The following TMEFF2 variants were observed in gnomAD, a reference collection of about 807,000 sequenced individuals.
TMEFF2 encodes transmembrane protein with EGF like and two follistatin like domains 2, also known as tomoregulin-2.
TMEFF2 carries 28 observed loss-of-function variants against 53.8 expected under a neutral mutation model. The ratio of observed to expected loss-of-function variants is 0.52; its 90% confidence interval spans 0.39 to 0.71. The LOEUF (loss-of-function observed/expected upper bound fraction) is 0.71, where lower values mean the gene tolerates loss of function less well. TMEFF2 is among the 30% of genes least tolerant of loss of function. The pLI is 0.00. For missense variants in TMEFF2, 353 were observed against 455.2 expected, an observed-to-expected ratio of 0.78 and a Z score of 2.04; for synonymous variants, 162 against 166.3, an observed-to-expected ratio of 0.97 and a Z score of 0.20.
At chr2:192,107,853 A>G (rs1689185781) in intron 4 of TMEFF2, among the ~76,000 whole-genome samples, 1 of 151,836 alleles carries the variant, frequency 6.6e-6, no homozygotes, top group South Asian at 2.1e-4. Context: ...TCACAAGGCA[A>G]AATGGGAAAT....
Position 192,013,490 on chromosome 2 carries a change from C to T in TMEFF2, c.537-14282G>A, listed in dbSNP as rs189794749. Reference sequence around the variant, plus strand: ...TTTTTTGAGACAGTCTCGCTCTATCCCCCAGGCTGTAGCGCAGTGGCACAA... The same window carrying T: ...TTTTTTGAGACAGTCTCGCTCTATCTCCCAGGCTGTAGCGCAGTGGCACAA... On this transcript the variant is annotated intron_variant, in intron 5 of 9. Transcript: ENST00000272771. Among the ~76,000 whole-genome samples, 171 of 151,592 alleles carry T rather than the reference C, an allele frequency of 1.1e-3. 3 individuals carry two copies. In the East Asian group the frequency reaches 0.032, roughly 29 times the overall value.
chr2:191,962,181 C>T (rs771106709), intron 7 of TMEFF2, among the ~76,000 whole-genome samples: 2 of 152,180 alleles, frequency 1.3e-5, no homozygotes, highest in Non-Finnish European at 2.9e-5. Flanking sequence ...GAACATTATT[C>T]TATTTTTTTC....
intron 5 of TMEFF2, among the ~76,000 whole-genome samples, chr2:192,048,738 C>G (rs1462554630): frequency 6.6e-6 from 1 of 152,106 alleles, no homozygotes; most frequent in African/African-American, 2.4e-5. Context: ...ATTCTTACAG[C>G]AGAAATAGAC....
In TMEFF2 at chr2:192,184,478, G is replaced by T. The variant is rs1183089653; in HGVS notation, c.288C>A (p.Asn96Lys). ...AGCCACACACAGGCACATAGTCATT[G>T]TTGCACTGGGAAACACACAGATGTA... ...TVTCVCQFKC[N>K]NDYVPVCGSN... Residue 96 changes from asparagine (N) to lysine (K), a missense_variant, in exon 3 of 10, where the codon AAC becomes AAA. This residue lies in a region of TMEFF2 where 294 missense variants were observed against 397.3 expected (regional missense o/e 0.74). Coordinates refer to ENST00000272771, the MANE Select transcript of TMEFF2 (RefSeq NM_016192.4). The T allele has an allele frequency of 6.2e-7, 1 of 1,613,010 alleles. No homozygotes were observed. Among genetic ancestry groups the T allele is most frequent in the African/African-American group, 1.3e-5 (1 of 74,858 alleles).
At chr2:192,121,614 T>C (rs1032743016) in intron 4 of TMEFF2, among the ~76,000 whole-genome samples, 1 of 152,180 alleles carries the variant, frequency 6.6e-6, no homozygotes, top group Non-Finnish European at 1.5e-5. Flanking sequence ...CCATTCTGCC[T>C]CTGAAAGGAG....
chr2:192,050,057 G>A (rs1171111846), intron 5 of TMEFF2, among the ~76,000 whole-genome samples: 1 of 152,158 alleles, frequency 6.6e-6, no homozygotes, highest in Non-Finnish European at 1.5e-5. Flanking sequence ...AAACTGTTAA[G>A]TTAGTGGTAG....
intron 3 of TMEFF2, among the ~76,000 whole-genome samples, chr2:192,181,990 A>G (rs1691197348): frequency 6.6e-6 from 1 of 151,842 alleles, no homozygotes; most frequent in South Asian, 2.1e-4. Context: ...AGTAAGACAG[A>G]AACACCTAAG....
intron 7 of TMEFF2, among the ~76,000 whole-genome samples, chr2:191,990,407 G>A (rs1171058251): frequency 6.6e-6 from 1 of 150,422 alleles, no homozygotes; most frequent in Non-Finnish European, 1.5e-5. Context: ...AAATCAAAGT[G>A]CTCAGAATAG....
chr2:191,955,721 G>A (rs1482956397), intron 8 of TMEFF2, among the ~76,000 whole-genome samples: 1 of 151,508 alleles, frequency 6.6e-6, no homozygotes, highest in African/African-American at 2.4e-5. Context: ...GAAACTGGGG[G>A]GGTATGGCTA....
chr2:192,019,759 A>G (rs1686821303), intron 5 of TMEFF2, among the ~76,000 whole-genome samples: 1 of 151,928 alleles, frequency 6.6e-6, no homozygotes, highest in African/African-American at 2.4e-5. Flanking sequence ...ATGGTGATTC[A>G]ATAGGACAGG....
intron 4 of TMEFF2, among the ~76,000 whole-genome samples, chr2:192,134,493 C>T (rs1421161779): frequency 6.6e-6 from 1 of 152,218 alleles, no homozygotes; most frequent in Non-Finnish European, 1.5e-5. Context: ...CTCTCATTTC[C>T]TTTCCATCGT....
chr2:192,077,030 GATATCTAAATGGTA>G (rs1016786707), intron 4 of TMEFF2, among the ~76,000 whole-genome samples: 1 of 152,110 alleles, frequency 6.6e-6, no homozygotes, highest in African/African-American at 2.4e-5. Flanking sequence ...ATCAGAAAAT[GATATCTAAATGGTA>G]ATGTGTCACT....
chr2:192,066,619 T>G (rs901813099), intron 4 of TMEFF2, among the ~76,000 whole-genome samples: 26 of 151,858 alleles, frequency 1.7e-4, no homozygotes, highest in African/African-American at 6.3e-4. Context: ...ATTTAAGAGA[T>G]TAATACAAAG....
intron 7 of TMEFF2, among the ~76,000 whole-genome samples, chr2:191,988,452 G>A (rs1559073625): frequency 6.6e-6 from 1 of 152,142 alleles, no homozygotes; most frequent in Admixed American, 6.6e-5. Flanking sequence ...ATCCAGTGGT[G>A]CAAGATTTGT....
intron 7 of TMEFF2, among the ~76,000 whole-genome samples, chr2:191,994,712 C>T (rs1164600606): frequency 6.6e-6 from 1 of 151,858 alleles, no homozygotes; most frequent in Non-Finnish European, 1.5e-5. Context: ...AAAGCCCTAG[C>T]TTTGTGTGTT....
intron 7 of TMEFF2, among the ~76,000 whole-genome samples, chr2:191,996,098 A>G (rs1276601478): frequency 2.0e-5 from 3 of 151,992 alleles, no homozygotes; most frequent in African/African-American, 4.8e-5. Context: ...ACCCATATAT[A>G]AATACTTTTT....
At chr2:191,963,825 T>C (rs1228736640) in intron 7 of TMEFF2, among the ~76,000 whole-genome samples, 2 of 152,222 alleles carry the variant, frequency 1.3e-5, no homozygotes, top group Non-Finnish European at 2.9e-5. Context: ...ATGATAGTAA[T>C]TATGTCTTAA....
At chr2:192,120,084 A>G (rs879459403) in intron 4 of TMEFF2, among the ~76,000 whole-genome samples, 2 of 152,200 alleles carry the variant, frequency 1.3e-5, no homozygotes, top group Non-Finnish European at 2.9e-5. Context: ...AAAGTTTCCT[A>G]TGGGTCAAGG....
intron 7 of TMEFF2, among the ~76,000 whole-genome samples, chr2:191,975,248 A>AT (rs1278336639): frequency 2.0e-4 from 22 of 108,628 alleles, no homozygotes; most frequent in Admixed American, 5.7e-4. Context: ...TCATCAGGTG[A>AT]TTTTTTTCTT....
Sources: allele counts gnomAD v4.1 joint callset (sites outside exome capture counted in the v4.1 genomes callset), GRCh38; gene constraint gnomAD v4.1.1; regional missense constraint gnomAD v4.1.1; transcripts MANE v1.5; gene names NCBI Gene and HGNC (gene_info 2026-07-23, HGNC 2026-07-21).